Variants in TMTC1 observed in about 807,000 individuals in gnomAD.
The protein encoded by TMTC1 is transmembrane O-mannosyltransferase targeting cadherins 1, also known as protein O-mannosyl-transferase TMTC1.
TMTC1 carries 73 observed loss-of-function variants against 104.8 expected under a neutral mutation model. The ratio of observed to expected loss-of-function variants is 0.70; its 90% CI spans 0.58 to 0.85. The LOEUF (loss-of-function observed/expected upper bound fraction) is 0.85, where lower values mean the gene tolerates loss of function less well. Ranked by LOEUF, TMTC1 falls within the 40% of genes least tolerant of loss-of-function variation. TMTC1 has a pLI of 0.00. For missense variants in TMTC1, 1,035 were observed against 1,096.1 expected (o/e 0.94, Z 0.79); for synonymous variants, 434 against 428.7 (o/e 1.01, Z -0.15).
At chr12:29,585,364 C>T (rs1230818984) in intron 7 of TMTC1, among the ~76,000 whole-genome samples, 2 of 152,086 alleles carry the variant, frequency 1.3e-5, no homozygotes, top group Non-Finnish European at 2.9e-5. Flanking sequence ...GAGTAGGTTG[C>T]AAAAATTTTC....
chr12:29,606,697 C>T (rs1050719449), intron 6 of TMTC1, among the ~76,000 whole-genome samples: 11 of 152,236 alleles, frequency 7.2e-5, no homozygotes, highest in Non-Finnish European at 1.3e-4. Context: ...GGCTGTTATC[C>T]ATGTCCCTAG....
intron 5 of TMTC1, among the ~76,000 whole-genome samples, chr12:29,712,841 T>C (rs1941965634): frequency 1.3e-5 from 2 of 152,232 alleles, no homozygotes; most frequent in South Asian, 4.1e-4. Context: ...TTATTGGTGA[T>C]GTCGAATCTA....
chr12:29,645,053 G>T (rs900585526), intron 5 of TMTC1, among the ~76,000 whole-genome samples: 1 of 152,206 alleles, frequency 6.6e-6, no homozygotes, highest in East Asian at 1.9e-4. Flanking sequence ...CTCCTCAGGA[G>T]CAGTGACTAT....
intron 7 of TMTC1, among the ~76,000 whole-genome samples, chr12:29,588,017 G>C (rs527273386): frequency 3.3e-5 from 5 of 152,158 alleles, no homozygotes. Flanking sequence ...GAGACCCTGG[G>C]AATGAAGTTG....
chr12:29,543,777 T>C (rs1250515415), intron 10 of TMTC1, among the ~76,000 whole-genome samples: 3 of 152,168 alleles, frequency 2.0e-5, no homozygotes, highest in African/African-American at 7.2e-5. Context: ...CAGATTATAT[T>C]CTATGTAGCT....
At chr12:29,599,532 A>T (rs949542216) in intron 7 of TMTC1, among the ~76,000 whole-genome samples, 1 of 152,226 alleles carries the variant, frequency 6.6e-6, no homozygotes, top group Non-Finnish European at 1.5e-5. Context: ...TGGCTAGTTC[A>T]TTGTTAGGCA....
At chr12:29,719,964 C>T (rs1466749235) in intron 5 of TMTC1, among the ~76,000 whole-genome samples, 3 of 152,140 alleles carry the variant, frequency 2.0e-5, no homozygotes, top group Admixed American at 6.5e-5. Flanking sequence ...ATGAGCCTTA[C>T]GTTTTCTTTA....
intron 12 of TMTC1, chr12:29,519,465 T>C (rs1259126438): frequency 6.6e-6 from 1 of 152,190 alleles, no homozygotes; most frequent in Non-Finnish European, 1.5e-5. Flanking sequence ...AGCTTCCTGG[T>C]GAAACTATAT....
intron 5 of TMTC1, among the ~76,000 whole-genome samples, chr12:29,725,038 T>TTTTA (rs869072783): frequency 8.9e-6 from 1 of 111,812 alleles, no homozygotes; most frequent in African/African-American, 3.6e-5. Context: ...TTTTTTTTTT[T>TTTTA]GAGATGGAGT....
intron 5 of TMTC1, among the ~76,000 whole-genome samples, chr12:29,701,087 G>A (rs1321206836): frequency 6.6e-6 from 1 of 150,538 alleles, no homozygotes; most frequent in Admixed American, 6.6e-5. Context: ...CTGACTGAGA[G>A]TCTTGCTTTT....
chr12:29,729,829 A>C (rs1268114769), intron 5 of TMTC1, among the ~76,000 whole-genome samples: 1 of 152,202 alleles, frequency 6.6e-6, no homozygotes, highest in Non-Finnish European at 1.5e-5. Context: ...TGAGGACACG[A>C]AAGTAAAATA....
intron 6 of TMTC1, among the ~76,000 whole-genome samples, chr12:29,619,362 T>C (rs1466553753): frequency 6.6e-6 from 1 of 152,208 alleles, no homozygotes. Context: ...ATATTCCACA[T>C]GACACGAGGA....
intron 5 of TMTC1, among the ~76,000 whole-genome samples, chr12:29,646,182 G>C (rs75959604): frequency 6.6e-6 from 1 of 152,190 alleles, no homozygotes; most frequent in Admixed American, 6.5e-5. Flanking sequence ...CTTCATCAGT[G>C]CAGCCCAGAA....
chr12:29,668,925 T>C (rs1940397361), intron 5 of TMTC1, among the ~76,000 whole-genome samples: 1 of 152,212 alleles, frequency 6.6e-6, no homozygotes, highest in African/African-American at 2.4e-5. Flanking sequence ...CATGTAGTGA[T>C]TGCTGCAGGT....
At chr12:29,596,504 A>T (rs958030383) in intron 7 of TMTC1, among the ~76,000 whole-genome samples, 1 of 152,224 alleles carries the variant, frequency 6.6e-6, no homozygotes, top group African/African-American at 2.4e-5. Flanking sequence ...TGTTGTTTTA[A>T]GATGACCATA....
At chr12:29,627,089 G>A (rs532853518) in intron 6 of TMTC1, among the ~76,000 whole-genome samples, 69 of 151,922 alleles carry the variant, frequency 4.5e-4, no homozygotes, top group African/African-American at 1.3e-3. Context: ...TAACAAGAGC[G>A]AAACTCCATC....
rs542614641 is a variant in TMTC1 at position 29,631,503 on chromosome 12, T to C, written c.1128+1644A>G. On this transcript the variant is annotated intron_variant, in intron 6 of 17. Transcript: ENST00000539277. The stretch of plus-strand genomic sequence containing the variant: ...TTTTTAAAAGACCATCCTTTCTCCA[T>C]TGAATTACTTTGACAACTATGTCAA... Among the ~76,000 whole-genome samples the C allele has an allele frequency of 4.9e-4, 74 of 152,340 alleles. No homozygotes were observed. The South Asian group carries it at 0.011, about 22-fold the overall frequency.
intron 5 of TMTC1, among the ~76,000 whole-genome samples, chr12:29,692,701 G>A (rs1941300441): frequency 6.9e-6 from 1 of 145,150 alleles, no homozygotes; most frequent in Non-Finnish European, 1.5e-5. Context: ...TGAATGTATA[G>A]AGTATTATTC....
chr12:29,659,102 A>C (rs1291631985), intron 5 of TMTC1, among the ~76,000 whole-genome samples: 1 of 152,166 alleles, frequency 6.6e-6, no homozygotes, highest in Non-Finnish European at 1.5e-5. Context: ...GTCACTTCCA[A>C]CCACCCCACT....
Sources: allele counts gnomAD v4.1 joint callset (sites outside exome capture counted in the v4.1 genomes callset), GRCh38; gene constraint gnomAD v4.1.1; transcripts MANE v1.5; gene names NCBI Gene and HGNC (gene_info 2026-07-23, HGNC 2026-07-21).